PPP2R5E: variants seen among roughly 807,000 people sequenced by gnomAD.
PPP2R5E encodes the protein protein phosphatase 2 regulatory subunit B'epsilon.
A neutral mutation model predicts 65.3 loss-of-function variants in PPP2R5E; 4 were observed. The observed-to-expected ratio is 0.06, with a 90% confidence interval of 0.03 to 0.14. PPP2R5E has a LOEUF of 0.14. Ranked by LOEUF, PPP2R5E falls within the 10% of genes least tolerant of loss-of-function variation. The probability of loss-of-function intolerance (pLI) is 1.00; values close to 1 mark genes in which losing one functional copy is unlikely to be tolerated. For missense variants in PPP2R5E, 274 were observed against 556.1 expected (o/e 0.49, Z 5.10); for synonymous variants, 183 against 187.4 (o/e 0.98, Z 0.19).
At chr14:63,388,124 TTC>T (rs1555355199) in intron 11 of PPP2R5E, among the ~76,000 whole-genome samples, 164 of 146,140 alleles carry the variant, frequency 1.1e-3, no homozygotes, top group African/African-American at 2.3e-3. Context: ...TTTTTTTTTT[TTC>T]TCCTTTCTTT....
intron 2 of PPP2R5E, among the ~76,000 whole-genome samples, chr14:63,507,386 G>A (rs137970990): frequency 5.7e-4 from 86 of 151,960 alleles, no homozygotes; most frequent in Non-Finnish European, 7.8e-4. Flanking sequence ...TCTCAGAAGG[G>A]CAGTGTGGGT....
At chr14:63,481,220 G>A (rs776774199) in intron 2 of PPP2R5E, among the ~76,000 whole-genome samples, 1 of 152,070 alleles carries the variant, frequency 6.6e-6, no homozygotes, top group Non-Finnish European at 1.5e-5. Flanking sequence ...GAATTGGCCG[G>A]GTGTGGTGGC....
chr14:63,398,936 G>A (rs1351724176), intron 5 of PPP2R5E, among the ~76,000 whole-genome samples: 2 of 152,336 alleles, frequency 1.3e-5, no homozygotes, highest in African/African-American at 4.8e-5. Flanking sequence ...GTAAAATGGT[G>A]CAGCTATTTC....
chr14:63,419,713 T>C (rs1886899244), intron 4 of PPP2R5E, among the ~76,000 whole-genome samples: 1 of 151,984 alleles, frequency 6.6e-6, no homozygotes, highest in Admixed American at 6.6e-5. Flanking sequence ...TTTAAAAGGT[T>C]CCTTCACCTG....
At chr14:63,446,675 A>C (rs563420394) in intron 3 of PPP2R5E, among the ~76,000 whole-genome samples, 1 of 151,880 alleles carries the variant, frequency 6.6e-6, no homozygotes, top group East Asian at 1.9e-4. Context: ...TAAAAATACA[A>C]AAAATTATCT....
intron 2 of PPP2R5E, among the ~76,000 whole-genome samples, chr14:63,489,698 G>A (rs1285843758): frequency 6.6e-6 from 1 of 152,000 alleles, no homozygotes; most frequent in South Asian, 2.1e-4. Flanking sequence ...ATGAGCTGCT[G>A]CGCCCAGCCA....
At chr14:63,522,124 T>G (rs898352023) in intron 2 of PPP2R5E, among the ~76,000 whole-genome samples, 6 of 151,954 alleles carry the variant, frequency 3.9e-5, no homozygotes, top group African/African-American at 1.5e-4. Context: ...TCGTATTTTT[T>G]TGGTGGAGAC....
chr14:63,389,010 G>A (rs929631009), intron 11 of PPP2R5E, among the ~76,000 whole-genome samples: 1 of 152,144 alleles, frequency 6.6e-6, no homozygotes, highest in East Asian at 1.9e-4. Flanking sequence ...GAGTGGCCAC[G>A]AGGAGGCAGA....
intron 2 of PPP2R5E, among the ~76,000 whole-genome samples, chr14:63,485,210 A>AC (rs1566736931): frequency 6.6e-6 from 1 of 151,970 alleles, no homozygotes; most frequent in African/African-American, 2.4e-5. Flanking sequence ...AAAAAAAAAA[A>AC]AAAAAACATA....
intron 3 of PPP2R5E, among the ~76,000 whole-genome samples, chr14:63,442,416 A>G (rs900654719): frequency 1.3e-5 from 2 of 150,098 alleles, no homozygotes; most frequent in Non-Finnish European, 3.0e-5. Flanking sequence ...CTATTAATGC[A>G]TATCTACAAA....
chr14:63,495,927 C>T (rs1342243433), intron 2 of PPP2R5E, among the ~76,000 whole-genome samples: 2 of 152,004 alleles, frequency 1.3e-5, no homozygotes, highest in Non-Finnish European at 2.9e-5. Context: ...TGGGCTCAAG[C>T]GATCCTCCCG....
chr14:63,432,674 A>G (rs1048960265), intron 3 of PPP2R5E, among the ~76,000 whole-genome samples: 1 of 152,074 alleles, frequency 6.6e-6, no homozygotes, highest in African/African-American at 2.4e-5. Context: ...AGACTGGGGG[A>G]AGGGGAGGGA....
chr14:63,519,666 CTCT>C (rs1566758714), intron 2 of PPP2R5E, among the ~76,000 whole-genome samples: 1 of 148,980 alleles, frequency 6.7e-6, no homozygotes, highest in African/African-American at 2.5e-5. Flanking sequence ...AGGACAAACT[CTCT>C]TTTTTTTTTT....
intron 2 of PPP2R5E, among the ~76,000 whole-genome samples, chr14:63,460,486 A>C (rs1333587593): frequency 6.6e-6 from 1 of 152,206 alleles, no homozygotes; most frequent in Admixed American, 6.5e-5. Flanking sequence ...ATGGTTAGTT[A>C]TTTGTTTAAG....
intron 3 of PPP2R5E, among the ~76,000 whole-genome samples, chr14:63,440,204 G>A (rs984536552): frequency 1.3e-5 from 2 of 152,064 alleles, no homozygotes; most frequent in Non-Finnish European, 2.9e-5. Context: ...GAGAGAGAGG[G>A]GTGTTCTGAA....
intron 11 of PPP2R5E, among the ~76,000 whole-genome samples, chr14:63,388,836 A>G (rs2139770692): frequency 6.6e-6 from 1 of 152,330 alleles, no homozygotes; most frequent in East Asian, 1.9e-4. Flanking sequence ...AGTCTGAACA[A>G]TCTCTTCCAA....
Position 63,420,950 on chromosome 14 carries a change from G to A in PPP2R5E, c.456+1043C>T, listed in dbSNP as rs1430542865. Among the ~76,000 whole-genome samples, 9 of 125,618 alleles carry A rather than the reference G, an allele frequency of 7.2e-5. 4 individuals carry two copies. Among genetic ancestry groups the A allele is most frequent in the African/African-American group, 3.2e-4 (9 of 28,092 alleles). 82.4% of individuals were successfully genotyped at this position (125,618 alleles called of 152,430 possible). On this transcript the variant is annotated intron_variant, in intron 4 of 13. Transcript: ENST00000337537. ...CGCCTGTAGTCCCAGCTACTTGGGA[G>A]GCTGAGGCAGGAGAATGGCGTGAAC...
Position 63,395,295 on chromosome 14 carries a change from G to GA in PPP2R5E, c.681-11dup. On this transcript the variant is annotated splice_polypyrimidine_tract_variant and intron_variant, in intron 6 of 13. Transcript: ENST00000337537. The stretch of plus-strand genomic sequence containing the variant: ...TGTTTCATAAACAAACCTGAGAGAA[G>GA]AGGAGAAAAGGGAGGAGAAAGGAGG... 1 of 1,585,708 alleles carries GA rather than the reference G, an allele frequency of 6.3e-7. No homozygotes were observed. Among genetic ancestry groups the GA allele is most frequent in the Non-Finnish European group, 8.6e-7 (1 of 1,159,042 alleles).
chr14:63,506,565 A>T (rs1298079315), intron 2 of PPP2R5E, among the ~76,000 whole-genome samples: 2 of 152,240 alleles, frequency 1.3e-5, no homozygotes, highest in Admixed American at 6.5e-5. Context: ...GAACATGCAA[A>T]GATGTTCAAC....
Sources: allele counts gnomAD v4.1 joint callset (sites outside exome capture counted in the v4.1 genomes callset), GRCh38; gene constraint gnomAD v4.1.1; transcripts MANE v1.5; gene names NCBI Gene and HGNC (gene_info 2026-07-23, HGNC 2026-07-21).